KCNMA1: variants seen among roughly 807,000 people sequenced by gnomAD.
The protein encoded by KCNMA1 is Calcium-activated potassium channel subunit alpha-1.
KCNMA1 carries 29 observed loss-of-function variants against 140.0 expected under a neutral mutation model. The observed-to-expected ratio is 0.21, with a 90% CI of 0.15 to 0.28. The LOEUF is 0.28. Among genes scored for constraint, KCNMA1 ranks in the 10% least tolerant of loss-of-function variants. The probability of loss-of-function intolerance (pLI) is 1.00; values close to 1 mark genes in which losing one functional copy is unlikely to be tolerated. For synonymous variants in KCNMA1, 612 were observed against 611.9 expected (o/e 1.00, Z 0.00); for missense variants, 880 against 1,602.2 (o/e 0.55, Z 7.70).
chr10:77,559,375 A>G (rs2154558565), intron 1 of KCNMA1, among the ~76,000 whole-genome samples: 1 of 152,322 alleles, frequency 6.6e-6, no homozygotes, highest in South Asian at 2.1e-4. Flanking sequence ...CACAGTCGAC[A>G]CTTCTCTAGG....
chr10:77,330,153 T>C (rs2154364395), intron 2 of KCNMA1, among the ~76,000 whole-genome samples: 1 of 152,258 alleles, frequency 6.6e-6, no homozygotes, highest in Non-Finnish European at 1.5e-5. Context: ...AGAAAGTTTG[T>C]TCACTCACCC....
chr10:76,920,012 GTGTGTGTGTATATATA>G lies in KCNMA1; in HGVS notation c.2903-4979_2903-4964del, dbSNP rs1456481135. Among the ~76,000 whole-genome samples, 498 of 51,464 alleles carry G rather than the reference GTGTGTGTGTATATATA, an allele frequency of 9.7e-3. 5 individuals are homozygous for G. Among genetic ancestry groups the G allele is most frequent in the African/African-American group, 0.045 (480 of 10,588 alleles). The allele number at this position is 51,464 out of a possible 152,430, so 33.8% of individuals were successfully genotyped here. On this transcript the variant is annotated intron_variant, in intron 23 of 27. Transcript: ENST00000286628. ...TGTGTGTGTGTGTGTGTGTGTGTGT[GTGTGTGTGTATATATA>G]TATATATATATATATATATATATAC...
Position 77,444,982 on chromosome 10 carries a change from G to C in KCNMA1, c.379-40959C>G, listed in dbSNP as rs561756044. On this transcript the variant is annotated intron_variant, in intron 1 of 27. Coordinates refer to ENST00000286628, the MANE Select transcript of KCNMA1 (RefSeq NM_001161352.2). ...TAAAGAACTAAACAGGCCCCCAGCAGGCCATGAGATTTGGTTTCTATAGCA... is the reference window on the plus strand; with the variant it reads ...TAAAGAACTAAACAGGCCCCCAGCACGCCATGAGATTTGGTTTCTATAGCA... Among the ~76,000 whole-genome samples, 23 of 152,286 alleles carry C rather than the reference G, an allele frequency of 1.5e-4. No individual in the cohort carries two copies. The South Asian group carries it at 3.1e-3, about 21-fold the overall frequency.
intron 1 of KCNMA1, among the ~76,000 whole-genome samples, chr10:77,457,718 C>T (rs905932736): frequency 2.0e-5 from 3 of 152,070 alleles, no homozygotes; most frequent in South Asian, 4.1e-4. Flanking sequence ...CAGCCTCCCT[C>T]CAGCACGGGC....
chr10:77,511,320 C>T (rs1214534884), intron 1 of KCNMA1, among the ~76,000 whole-genome samples: 4 of 152,240 alleles, frequency 2.6e-5, no homozygotes, highest in East Asian at 1.9e-4. Flanking sequence ...CAGGACCATA[C>T]AGGAAATCTG....
intron 6 of KCNMA1, among the ~76,000 whole-genome samples, chr10:77,113,024 A>C (rs1383952259): frequency 6.6e-6 from 1 of 152,162 alleles, no homozygotes; most frequent in African/African-American, 2.4e-5. Context: ...TAATATGCAG[A>C]CCTTATTTAA....
chr10:77,280,366 G>A (rs1204273460), intron 2 of KCNMA1, among the ~76,000 whole-genome samples: 1 of 152,192 alleles, frequency 6.6e-6, no homozygotes, highest in African/African-American at 2.4e-5. Flanking sequence ...AATAATTCCT[G>A]TCCATGGACA....
At chr10:77,463,161 C>T (rs1294878544) in intron 1 of KCNMA1, among the ~76,000 whole-genome samples, 1 of 152,154 alleles carries the variant, frequency 6.6e-6, no homozygotes, top group Non-Finnish European at 1.5e-5. Context: ...GCATGGCCCC[C>T]ACCTGCTTCC....
At chr10:77,242,378 C>T (rs1168372347) in intron 3 of KCNMA1, among the ~76,000 whole-genome samples, 3 of 152,066 alleles carry the variant, frequency 2.0e-5, no homozygotes, top group Non-Finnish European at 4.4e-5. Flanking sequence ...TCACAAAGCC[C>T]GAGTACAGGC....
intron 27 of KCNMA1, among the ~76,000 whole-genome samples, chr10:76,888,777 T>C (rs1447442897): frequency 6.6e-6 from 1 of 152,152 alleles, no homozygotes; most frequent in Non-Finnish European, 1.5e-5. Flanking sequence ...GAACCACTTA[T>C]CTTAGGGCGG....
chr10:77,286,943 T>C (rs1048499097), intron 2 of KCNMA1, among the ~76,000 whole-genome samples: 1 of 152,150 alleles, frequency 6.6e-6, no homozygotes, highest in South Asian at 2.1e-4. Context: ...ACACCCTAAG[T>C]GGAAAGCATT....
chr10:77,069,250 G>A (rs556692531), intron 14 of KCNMA1, among the ~76,000 whole-genome samples: 53 of 152,222 alleles, frequency 3.5e-4, no homozygotes, highest in African/African-American at 1.2e-3. Context: ...CATGTTCCAG[G>A]GCTGGCTGAT....
chr10:77,350,001 C>T (rs1009449659), intron 2 of KCNMA1, among the ~76,000 whole-genome samples: 3 of 152,112 alleles, frequency 2.0e-5, no homozygotes, highest in Admixed American at 6.5e-5. Context: ...CAGGCTCAAG[C>T]GATTCTCCTG....
rs1000303669 is a variant in KCNMA1, at chr10:77,108,973, T to A, written c.1132-401A>T. Among the ~76,000 whole-genome samples the A allele has an allele frequency of 3.3e-5, 5 of 151,852 alleles. No individual in the cohort carries two copies. The highest frequency in any genetic ancestry group is 5.9e-5 in the Non-Finnish European group (4 of 67,994). On this transcript the variant is annotated intron_variant, in intron 8 of 27. Transcript: ENST00000286628. This position sits in a 1 kb window ranked among gnomAD's most constrained non-coding sequence, Gnocchi z 4.6. ...TTTCGCAAGAGAAGATCTTCCTTTG[T>A]CATTAAAATTCAGAGGAGAATCAAT...
intron 2 of KCNMA1, among the ~76,000 whole-genome samples, chr10:77,339,692 C>T (rs187605469): frequency 7.2e-4 from 109 of 152,366 alleles, no homozygotes; most frequent in Admixed American, 1.6e-3. Context: ...CAGTTTGGCT[C>T]ACCCAAGGTG....
In KCNMA1 at chr10:76,886,436, A is replaced by G. The variant is rs201943891; in HGVS notation, c.*830T>C. The G allele has an allele frequency of 2.2e-5, 22 of 983,798 alleles. No individual in the cohort carries two copies. Among genetic ancestry groups the G allele is most frequent in the Non-Finnish European group, 2.4e-5 (20 of 828,646 alleles). 60.9% of individuals were successfully genotyped at this position (983,798 alleles called of 1,614,324 possible). A position where few individuals can be genotyped will look rare whatever the true frequency, so the allele number is the denominator to read the frequency against. ...TCATCCCAAATGTCAAAAGTGAAAG[A>G]AAAAAAATAGCTATTCATATGGCAA... On this transcript the variant is annotated 3_prime_UTR_variant, in exon 28 of 28. Coordinates refer to ENST00000286628, the MANE Select transcript of KCNMA1 (RefSeq NM_001161352.2).
chr10:77,405,134 G>A (rs528700042), intron 1 of KCNMA1, among the ~76,000 whole-genome samples: 1 of 152,174 alleles, frequency 6.6e-6, no homozygotes, highest in Non-Finnish European at 1.5e-5. Context: ...CATACAGTGA[G>A]TGTTCTGCCT....
chr10:77,429,214 C>T (rs2097095168), intron 1 of KCNMA1, among the ~76,000 whole-genome samples: 1 of 152,136 alleles, frequency 6.6e-6, no homozygotes, highest in Non-Finnish European at 1.5e-5. Flanking sequence ...CACCAAACCA[C>T]CTAATCCCCC....
At chr10:77,193,959 T>C (rs751448653) in intron 3 of KCNMA1, among the ~76,000 whole-genome samples, 1 of 152,194 alleles carries the variant, frequency 6.6e-6, no homozygotes, top group Admixed American at 6.5e-5. Context: ...CTGCTTCCTA[T>C]GCCTTTTTTT....
Sources: allele counts gnomAD v4.1 joint callset (sites outside exome capture counted in the v4.1 genomes callset), GRCh38; gene constraint gnomAD v4.1.1; non-coding constraint Gnocchi (gnomAD v3.1); transcripts MANE v1.5; gene names NCBI Gene and HGNC (gene_info 2026-07-23, HGNC 2026-07-21).